The following CNBD1 variants were observed in gnomAD, a reference collection of about 807,000 sequenced individuals.
CNBD1 encodes the protein cyclic nucleotide-binding domain-containing protein 1.
Under a neutral mutation model 54.4 loss-of-function variants are expected in CNBD1, and 71 were observed. That is an observed-to-expected ratio of 1.30 (90% confidence interval 1.08 to 1.59). The LOEUF is 1.59. Among genes scored for constraint, CNBD1 ranks in the 40% most tolerant of loss-of-function variants. The pLI, the probability that CNBD1 is intolerant of heterozygous loss-of-function variation, is 0.00. For missense variants in CNBD1, 659 were observed against 518.0 expected (o/e 1.27, Z -2.64); for synonymous variants, 182 against 170.7 (o/e 1.07, Z -0.51).
At chr8:87,241,395 C>T (rs942744649) in intron 6 of CNBD1, among the ~76,000 whole-genome samples, 2 of 151,598 alleles carry the variant, frequency 1.3e-5, no homozygotes, top group Non-Finnish European at 2.9e-5. Flanking sequence ...TTCAGCCTCC[C>T]CAGTAGCTGG....
intron 5 of CNBD1, among the ~76,000 whole-genome samples, chr8:87,209,950 G>T (rs1204771703): frequency 6.6e-6 from 1 of 152,144 alleles, no homozygotes; most frequent in Non-Finnish European, 1.5e-5. Context: ...CATGAGGGCA[G>T]TCACCCCCAT....
intron 4 of CNBD1, among the ~76,000 whole-genome samples, chr8:86,945,387 G>A (rs1807442227): frequency 1.3e-5 from 2 of 152,146 alleles, no homozygotes; most frequent in Admixed American, 1.3e-4. Flanking sequence ...ATGACTCAGA[G>A]GAATTGCTCC....
intron 4 of CNBD1, among the ~76,000 whole-genome samples, chr8:87,016,220 C>G (rs1211841753): frequency 6.6e-6 from 1 of 151,526 alleles, no homozygotes; most frequent in East Asian, 1.9e-4. Context: ...CAAAACTCTC[C>G]AGTAATTTAA....
chr8:87,052,050 T>C (rs1183888057), intron 4 of CNBD1, among the ~76,000 whole-genome samples: 1 of 152,222 alleles, frequency 6.6e-6, no homozygotes, highest in Non-Finnish European at 1.5e-5. Flanking sequence ...GCACTCCCTT[T>C]TGAAATGTCC....
At chr8:86,887,675 A>T (rs1808701750) in intron 2 of CNBD1, 64 bp downstream of exon 2, 1 of 1,189,040 alleles carries the variant, frequency 8.4e-7, no homozygotes, top group Non-Finnish European at 1.2e-6. Flanking sequence ...TGTTTTAGGG[A>T]TAAAGTATAG....
chr8:87,426,637 A>G (rs1022433042), intron 2 of CNBD1, among the ~76,000 whole-genome samples: 10 of 152,208 alleles, frequency 6.6e-5, no homozygotes, highest in Non-Finnish European at 1.3e-4. Context: ...TTCCTGAGAC[A>G]TCAATTTCTC....
chr8:87,376,814 G>A (rs1810950316), intron 10 of CNBD1, among the ~76,000 whole-genome samples: 1 of 151,748 alleles, frequency 6.6e-6, no homozygotes, highest in African/African-American at 2.4e-5. Context: ...AAGTATTGGA[G>A]CCAGAATTCG....
intron 4 of CNBD1, among the ~76,000 whole-genome samples, chr8:87,183,382 T>C (rs1033488507): frequency 3.9e-5 from 3 of 76,488 alleles, no homozygotes; most frequent in Admixed American, 1.7e-4. Flanking sequence ...TTTTGCGCTG[T>C]TTGTTTTTTT....
intron 4 of CNBD1, among the ~76,000 whole-genome samples, chr8:87,037,257 C>T (rs1350612253): frequency 6.6e-6 from 1 of 152,010 alleles, no homozygotes; most frequent in Non-Finnish European, 1.5e-5. Flanking sequence ...GGTATTTATT[C>T]TGGAAGCTTT....
At chr8:86,972,617 GAC>G (rs138402013) in intron 4 of CNBD1, among the ~76,000 whole-genome samples, 4 of 151,806 alleles carry the variant, frequency 2.6e-5, no homozygotes, top group East Asian at 3.9e-4. Flanking sequence ...AAGATACACA[GAC>G]ACACACACAC....
In CNBD1 at chr8:87,059,923, G is replaced by T. The variant is rs1376533353; in HGVS notation, c.431+120169G>T. Among the ~76,000 whole-genome samples, 4 of 152,180 alleles carry T rather than the reference G, an allele frequency of 2.6e-5. No individual in the cohort carries two copies. In the East Asian group the frequency reaches 7.7e-4, roughly 29 times the overall value. ...TGATCTCTGTGGCCTCATTAGTTTGGCAGCCTGTGCTAACAAAGCTGAAAG... is the reference window on the plus strand; with the variant it reads ...TGATCTCTGTGGCCTCATTAGTTTGTCAGCCTGTGCTAACAAAGCTGAAAG... On this transcript the variant is annotated intron_variant, in intron 4 of 10. Coordinates refer to ENST00000518476, the MANE Select transcript of CNBD1 (RefSeq NM_173538.3).
At chr8:87,350,912 T>C (rs779307618) in intron 8 of CNBD1, among the ~76,000 whole-genome samples, 4 of 152,144 alleles carry the variant, frequency 2.6e-5, no homozygotes, top group South Asian at 2.1e-4. Flanking sequence ...AAAGTTATAA[T>C]AGAATTCACC....
chr8:87,307,748 T>TATATA, intron 8 of CNBD1, among the ~76,000 whole-genome samples: 1 of 138,092 alleles, frequency 7.2e-6, no homozygotes, highest in East Asian at 2.0e-4. Context: ...AAAAAAAAAA[T>TATATA]TATATATATA....
intron 8 of CNBD1, among the ~76,000 whole-genome samples, chr8:87,341,281 G>A (rs1810058390): frequency 6.6e-6 from 1 of 152,062 alleles, no homozygotes; most frequent in East Asian, 1.9e-4. Flanking sequence ...CAGATATCTA[G>A]AGTATGCTGG....
intron 4 of CNBD1, among the ~76,000 whole-genome samples, chr8:87,017,797 A>C (rs1408568675): frequency 6.6e-6 from 1 of 152,180 alleles, no homozygotes; most frequent in Non-Finnish European, 1.5e-5. Flanking sequence ...TTCCCTTTCT[A>C]AGTCCTCCAG....
intron 3 of CNBD1, among the ~76,000 whole-genome samples, chr8:86,930,341 G>A (rs560753006): frequency 4.5e-4 from 69 of 152,276 alleles, no homozygotes; most frequent in African/African-American, 1.6e-3. Context: ...TAGCTAGAAA[G>A]GTCAAGAGAT....
intron 5 of CNBD1, among the ~76,000 whole-genome samples, chr8:87,207,171 G>A (rs888694786): frequency 6.6e-6 from 1 of 152,042 alleles, no homozygotes; most frequent in Non-Finnish European, 1.5e-5. Context: ...ATTCAACATT[G>A]CTTTGCTATT....
rs762778502 is a variant in CNBD1 at position 87,405,318 on chromosome 8, G to A, written c.214-23228G>A. Among the ~76,000 whole-genome samples, 9 of 151,862 alleles carry A rather than the reference G, an allele frequency of 5.9e-5. No homozygotes were observed. In the East Asian group the frequency reaches 7.7e-4, roughly 13 times the overall value. On this transcript the variant is annotated intron_variant, in intron 2 of 7. Coordinates refer to the CNBD1 transcript ENST00000521593. The stretch of plus-strand genomic sequence containing the variant: ...GTAAACTTTAATATTTCACCTTGTG[G>A]ATTAGAAATGATGCATGTAAAGTAT...
chr8:87,324,539 T>C (rs1809626029), intron 8 of CNBD1, among the ~76,000 whole-genome samples: 1 of 145,628 alleles, frequency 6.9e-6, no homozygotes, highest in East Asian at 1.9e-4. Flanking sequence ...TGGGAGAGTG[T>C]ATGTGTCAAG....
Sources: gnomAD v4.1 joint callset for allele counts (sites outside exome capture counted in the v4.1 genomes callset) on GRCh38, gnomAD v4.1.1 for gene constraint, MANE v1.5 for transcripts, NCBI Gene and HGNC (gene_info 2026-07-23, HGNC 2026-07-21) for gene names.